ADAMTS9: variants seen among roughly 807,000 people sequenced by gnomAD.
ADAMTS9 encodes the protein A disintegrin and metalloproteinase with thrombospondin motifs 9.
ADAMTS9 carries 107 observed loss-of-function variants against 257.1 expected under a neutral mutation model. The ratio of observed to expected loss-of-function variants is 0.42; its 90% CI spans 0.36 to 0.49. The LOEUF is 0.49. Among genes scored for constraint, ADAMTS9 ranks in the 20% least tolerant of loss-of-function variants. ADAMTS9 has a pLI of 0.03. For synonymous variants in ADAMTS9, 982 were observed against 880.9 expected (o/e 1.11, Z -2.03); for missense variants, 2,353 against 2,469.1 (o/e 0.95, Z 1.00).
chr3:64,661,578 C>T (rs756025547), intron 3 of ADAMTS9, among the ~76,000 whole-genome samples: 4 of 152,076 alleles, frequency 2.6e-5, no homozygotes, highest in Admixed American at 6.6e-5. Context: ...GCTCAATTCC[C>T]GAAATTGTGC....
intron 3 of ADAMTS9, among the ~76,000 whole-genome samples, 196 bp from the exon 4 acceptor site, chr3:64,658,987 G>T (rs1031635727): frequency 6.6e-6 from 1 of 152,176 alleles, no homozygotes; most frequent in African/African-American, 2.4e-5. Context: ...GCTTCCCTGG[G>T]AAGCTTTCAT....
intron 28 of ADAMTS9, chr3:64,587,878 A>G (rs1263967688): frequency 6.6e-6 from 1 of 152,202 alleles, no homozygotes; most frequent in Non-Finnish European, 1.5e-5. Context: ...ATTGGTACCC[A>G]TTAAATAACA....
intron 3 of ADAMTS9, among the ~76,000 whole-genome samples, chr3:64,679,558 A>G (rs1486298526): frequency 6.6e-6 from 1 of 152,230 alleles, no homozygotes; most frequent in Non-Finnish European, 1.5e-5. Context: ...CATTTTTTAA[A>G]ATGTTGACCT....
chr3:64,603,263 C>G (rs1003905055), intron 25 of ADAMTS9, among the ~76,000 whole-genome samples: 2 of 152,116 alleles, frequency 1.3e-5, no homozygotes, highest in Non-Finnish European at 2.9e-5. Flanking sequence ...TTCATTGCAC[C>G]TCTCAAATTT....
At chr3:64,621,777 T>TA (rs1700111756) in intron 18 of ADAMTS9, among the ~76,000 whole-genome samples, 3 of 102,020 alleles carry the variant, frequency 2.9e-5, no homozygotes, top group East Asian at 2.9e-4. Context: ...AATAAAAAAA[T>TA]AAAAAAATAA....
intron 32 of ADAMTS9, among the ~76,000 whole-genome samples, chr3:64,543,596 T>C (rs113955787): frequency 0.88 from 133,503 of 152,184 alleles, 59,516 homozygotes; most frequent in South Asian, 0.97. Flanking sequence ...CTCAATAAAT[T>C]AGGTATTGAT....
chr3:64,661,291 T>A (rs1701214483), intron 3 of ADAMTS9, among the ~76,000 whole-genome samples: 1 of 152,152 alleles, frequency 6.6e-6, no homozygotes, highest in Admixed American at 6.6e-5. Flanking sequence ...GTCTACCAAC[T>A]GGCATTTGTA....
intron 16 of ADAMTS9, among the ~76,000 whole-genome samples, chr3:64,629,129 A>G (rs1215799454): frequency 6.6e-6 from 1 of 152,122 alleles, no homozygotes; most frequent in Non-Finnish European, 1.5e-5. Context: ...GAATCTAACT[A>G]CATACTGCCA....
At chr3:64,664,729 G>A (rs961676369) in intron 3 of ADAMTS9, among the ~76,000 whole-genome samples, 8 of 152,166 alleles carry the variant, frequency 5.3e-5, no homozygotes, top group African/African-American at 1.9e-4. Context: ...TTGCTGCTAT[G>A]AACATTCATG....
intron 3 of ADAMTS9, among the ~76,000 whole-genome samples, chr3:64,679,104 T>C (rs186542882): frequency 6.6e-6 from 1 of 152,338 alleles, no homozygotes; most frequent in East Asian, 1.9e-4. Context: ...GCATCTTCAT[T>C]GTCTTCGAGC....
intron 25 of ADAMTS9, 150 bp downstream of exon 25, chr3:64,603,772 A>T (rs1345418817): frequency 2.1e-6 from 2 of 930,502 alleles, no homozygotes; most frequent in Non-Finnish European, 3.2e-6. Flanking sequence ...AACTACACAT[A>T]AGTGGAGCAG....
intron 23 of ADAMTS9, among the ~76,000 whole-genome samples, chr3:64,604,773 A>C (rs2084528871): frequency 6.6e-6 from 1 of 152,222 alleles, no homozygotes; most frequent in Non-Finnish European, 1.5e-5. Flanking sequence ...CTGTTTGCCC[A>C]AAGATAACAT....
intron 3 of ADAMTS9, among the ~76,000 whole-genome samples, chr3:64,678,176 T>C (rs1157242133): frequency 1.3e-5 from 2 of 152,174 alleles, no homozygotes; most frequent in South Asian, 4.1e-4. Context: ...GTTGAATATA[T>C]AGGATATCAC....
intron 11 of ADAMTS9, among the ~76,000 whole-genome samples, chr3:64,646,753 C>A (rs1159269760): frequency 6.6e-6 from 1 of 152,218 alleles, no homozygotes; most frequent in Non-Finnish European, 1.5e-5. Context: ...TAGTCTTCCT[C>A]TTTGACCAGC....
At chr3:64,613,032 G>A (rs543189267) in intron 22 of ADAMTS9, among the ~76,000 whole-genome samples, 7 of 152,078 alleles carry the variant, frequency 4.6e-5, no homozygotes, top group Admixed American at 3.9e-4. Context: ...ACAGAGGCAC[G>A]CTAGAAGATA....
intron 22 of ADAMTS9, among the ~76,000 whole-genome samples, chr3:64,607,887 C>T (rs770727384): frequency 1.3e-5 from 2 of 152,160 alleles, no homozygotes; most frequent in East Asian, 1.9e-4. Flanking sequence ...AGAGACCATA[C>T]GTTAGGCTGC....
intron 28 of ADAMTS9, among the ~76,000 whole-genome samples, chr3:64,580,846 G>A (rs572299591): frequency 1.1e-4 from 17 of 152,154 alleles, no homozygotes; most frequent in Admixed American, 4.6e-4. Flanking sequence ...GGCTGAACTG[G>A]TTTCTATTCA....
intron 36 of ADAMTS9, among the ~76,000 whole-genome samples, chr3:64,540,365 T>C (rs1024521956): frequency 1.3e-5 from 2 of 152,316 alleles, no homozygotes; most frequent in Admixed American, 6.5e-5. Flanking sequence ...AGGGAACATG[T>C]TGAGGTATTT....
At chr3:64,567,953 G>A (rs1041476219) in intron 29 of ADAMTS9, among the ~76,000 whole-genome samples, 4 of 152,074 alleles carry the variant, frequency 2.6e-5, no homozygotes, top group African/African-American at 4.8e-5. Context: ...TAGAACTTTC[G>A]TCAACAGCCC....
Sources: allele counts gnomAD v4.1 joint callset (sites outside exome capture counted in the v4.1 genomes callset), GRCh38; gene constraint gnomAD v4.1.1; transcripts MANE v1.5; gene names NCBI Gene and HGNC (gene_info 2026-07-23, HGNC 2026-07-21).